Variants in COL5A3 observed in about 807,000 individuals in gnomAD.
COL5A3 encodes collagen alpha-3(V) chain.
COL5A3 carries 172 observed loss-of-function variants against 250.0 expected under a neutral mutation model. The ratio of observed to expected loss-of-function variants is 0.69; its 90% CI spans 0.61 to 0.78. The LOEUF (loss-of-function observed/expected upper bound fraction) is 0.78. Ranked by LOEUF, COL5A3 falls within the 30% of genes least tolerant of loss-of-function variation. The probability of loss-of-function intolerance (pLI) is 0.00; values close to 1 mark genes in which losing one functional copy is unlikely to be tolerated. For missense variants in COL5A3, 2,340 were observed against 2,334.4 expected, an observed-to-expected ratio of 1.00 and a Z score of -0.05; for synonymous variants, 937 against 900.4, an observed-to-expected ratio of 1.04 and a Z score of -0.73.
chr19:9,981,229 G>A, intron 32 of COL5A3, 97 bp from the exon 33 acceptor site: 1 of 1,058,070 alleles, frequency 9.5e-7, no homozygotes, highest in Non-Finnish European at 1.5e-6. Context: ...CCAGAAAGCT[G>A]TCTGCCACAT....
At chr19:9,970,871 G>A in intron 53 of COL5A3, 104 bp downstream of exon 53, 1 of 1,171,470 alleles carries the variant, frequency 8.5e-7, no homozygotes, top group Non-Finnish European at 1.2e-6. Context: ...CATCTGCAGG[G>A]GCCTTGGGTA....
chr19:9,977,439 C>T lies in COL5A3; in HGVS notation c.3160G>A (p.Asp1054Asn). The T allele has an allele frequency of 2.6e-6, 4 of 1,523,154 alleles. No homozygotes were observed. The highest frequency in any genetic ancestry group is 3.5e-6 in the Non-Finnish European group (4 of 1,137,450). The allele number at this position is 1,523,154 out of a possible 1,614,324, so 94.4% of individuals were successfully genotyped here. Residue 1054 changes from aspartate to asparagine, a missense_variant, in exon 43 of 67, where the codon GAT (aspartate) becomes AAT (asparagine). By Grantham distance (23) the Asp-to-Asn change is conservative. This residue lies in a region of COL5A3 where 1,179 missense variants were observed against 1,162.6 expected (regional missense o/e 1.01). Coordinates refer to ENST00000264828, the MANE Select transcript of COL5A3 (RefSeq NM_015719.4). ...ERGPPGPTGKDGIPGPLGPLG... is the reference protein window; with the variant it reads ...ERGPPGPTGKNGIPGPLGPLG... ...GGCCCCAGGGGCCCTGGGATCCCAT[C>T]TTTGCCAGTGGGGCCAGGGGGGCCA... is the stretch of plus-strand genomic sequence containing the variant.
In COL5A3 at chr19:9,997,453, A is replaced by G. The variant is rs1296105034; in HGVS notation, c.1201-20T>C. On this transcript the variant is annotated intron_variant, in intron 10 of 66. Coordinates refer to ENST00000264828, the MANE Select transcript of COL5A3 (RefSeq NM_015719.4). ...CACCCCCTGTTGGGGACAGAGAAAC[A>G]GGAGTCACAGGAAGTGCAAAGTTTG... 1 of 1,562,674 alleles carries G rather than the reference A, an allele frequency of 6.4e-7. No homozygotes were observed. Among genetic ancestry groups the G allele is most frequent in the Non-Finnish European group, 8.7e-7 (1 of 1,146,354 alleles).
chr19:9,993,573 A>G, intron 18 of COL5A3, 46 bp downstream of exon 18: 7 of 1,605,646 alleles, frequency 4.4e-6, no homozygotes, highest in Non-Finnish European at 6.0e-6. Flanking sequence ...GGGCTTGAAT[A>G]TTGGGAGGAG....
intron 45 of COL5A3, among the ~76,000 whole-genome samples, chr19:9,974,916 GAGA>G (rs1236810501): frequency 6.6e-6 from 1 of 152,116 alleles, no homozygotes; most frequent in Non-Finnish European, 1.5e-5. Context: ...GTTTTGTTTT[GAGA>G]AGGAGTCTCA....
At chr19:9,985,808 T>A (rs776961889) in intron 31 of COL5A3, 34 bp downstream of exon 31, 7 of 1,592,504 alleles carry the variant, frequency 4.4e-6, no homozygotes, top group Non-Finnish European at 6.0e-6. Context: ...ATCCTGCCCA[T>A]ATCCATCTCC....
In COL5A3 at chr19:9,960,481, G is replaced by A. The variant is rs766786452; in HGVS notation, c.5168C>T (p.Ala1723Val). 2.2e-5 allele frequency: 36 copies of A among 1,613,998 alleles called. No homozygotes were observed. The highest frequency in any genetic ancestry group is 3.3e-4 in the Middle Eastern group (2 of 6,082). ...GTTCGTCTGGCCAAAGTCAGTGGCC[G>A]CCACATCCCACAGGGGCAGAAATCC... ...RAGFLPLWDV[A>V]ATDFGQTNQK... Residue 1723 changes from alanine to valine, a missense_variant, in exon 67 of 67, where the codon GCG becomes GTG. Physicochemically the swap from Ala to Val is moderately conservative, Grantham distance 64 (BLOSUM62 0). Around this residue, in one of 3 missense-constraint regions of COL5A3, gnomAD observed 1,179 missense variants for 1,162.6 expected, o/e 1.01. Coordinates refer to ENST00000264828, the MANE Select transcript of COL5A3 (RefSeq NM_015719.4).
intron 64 of COL5A3, among the ~76,000 whole-genome samples, chr19:9,965,458 C>CT (rs781503204): frequency 0.051 from 7,045 of 139,472 alleles, 373 homozygotes; most frequent in African/African-American, 0.13. Flanking sequence ...GCCCGGCCTT[C>CT]TTTTTTTTTT....
chr19:9,978,575 T>C lies in COL5A3; in HGVS notation c.3017A>G (p.Asn1006Ser). Reference sequence around the variant, plus strand: ...CCCAGCACATGGGGTTATACTTACATTGGCCCCCACGGGCCCTGGGGGGCC... The same window carrying C: ...CCCAGCACATGGGGTTATACTTACACTGGCCCCCACGGGCCCTGGGGGGCC... The part of the protein sequence containing the change: ...DKGPPGPVGA[N>S]GSPGERGPLG... The change falls in exon 41 of 67, where the codon AAT (asparagine) becomes AGT (serine). Residue 1006 changes from asparagine (N) to serine (S), a missense_variant and splice_region_variant. By Grantham distance (46) the Asn-to-Ser change is conservative (BLOSUM62 1). Around this residue, in one of 3 missense-constraint regions of COL5A3, gnomAD observed 1,179 missense variants for 1,162.6 expected, o/e 1.01. Coordinates refer to ENST00000264828, the MANE Select transcript of COL5A3 (RefSeq NM_015719.4). The C allele has an allele frequency of 1.3e-6, 2 of 1,578,910 alleles. No individual in the cohort carries two copies. The highest frequency in any genetic ancestry group is 1.7e-6 in the Non-Finnish European group (2 of 1,157,750).
In COL5A3 at chr19:9,971,008, C is replaced by A. The variant is rs1246684723; in HGVS notation, c.3849G>T (p.Gly1283=). The A allele has an allele frequency of 6.4e-7, 1 of 1,553,680 alleles. No individual in the cohort carries two copies. Among genetic ancestry groups the A allele is most frequent in the East Asian group, 2.4e-5 (1 of 42,194 alleles). The change falls in exon 53 of 67, where the codon GGG becomes GGT. Residue 1283 remains glycine (G), a synonymous_variant. Transcript: ENST00000264828. ...CAACATCACCAGGGTCTCCCTTCTC[C>A]CCTGGGGAACCATCTATGCCCTGCA... is the stretch of plus-strand genomic sequence containing the variant. ...PGVSGIDGSP[G]EKGDPGDVGG... is the part of the protein sequence containing the mutation.
intron 56 of COL5A3, 60 bp from the exon 57 acceptor site, chr19:9,969,462 C>G (rs369978422): frequency 4.0e-5 from 63 of 1,594,188 alleles, no homozygotes; most frequent in African/African-American, 3.9e-4. Flanking sequence ...TGTGGACCCC[C>G]CCCCGACCAT....
intron 18 of COL5A3, 54 bp downstream of exon 18, chr19:9,993,565 G>C: frequency 6.3e-7 from 1 of 1,595,568 alleles, no homozygotes; most frequent in Middle Eastern, 1.7e-4. Flanking sequence ...AGTTGGGGGG[G>C]CTTGAATATT....
chr19:9,996,744 G>C, intron 11 of COL5A3, 55 bp from the exon 12 acceptor site: 1 of 1,398,548 alleles, frequency 7.2e-7, no homozygotes, highest in Non-Finnish European at 9.8e-7. Flanking sequence ...GAGAGAGAGA[G>C]CGAGGACAGG....
At chr19:9,992,726 G>T in intron 21 of COL5A3, 101 bp downstream of exon 21, 1 of 1,191,088 alleles carries the variant, frequency 8.4e-7, no homozygotes, top group Non-Finnish European at 1.2e-6. Flanking sequence ...GCAGAGAGCT[G>T]AGATCTCGCC....
At position 10,006,222 on chromosome 19, in the gene COL5A3, T is replaced by TC; in HGVS notation, c.97dup (p.Asp33GlyfsTer30). The TC allele has an allele frequency of 6.3e-7, 1 of 1,598,284 alleles. No individual in the cohort carries two copies. Among genetic ancestry groups the TC allele is most frequent in the East Asian group, 2.2e-5 (1 of 44,482 alleles). Reference sequence around the variant, plus strand: ...CTGCACACCCAGGGCCTTCAGGACATCCACAGGATCTGCAGCAGAGAGAAG... The same window carrying TC: ...CTGCACACCCAGGGCCTTCAGGACATCCCACAGGATCTGCAGCAGAGAGAAG... On this transcript the variant is annotated frameshift_variant, in exon 2 of 67. Transcript: ENST00000264828. LOFTEE classifies it high-confidence loss of function.
chr19:9,983,631 A>AAG (rs139883377), intron 31 of COL5A3, among the ~76,000 whole-genome samples: 1 of 127,398 alleles, frequency 7.8e-6, no homozygotes, highest in Non-Finnish European at 1.7e-5. Flanking sequence ...AGAAAGAAAG[A>AAG]AGAGAGAGAG....
chr19:9,975,930 C>T (rs1239832094), intron 45 of COL5A3, among the ~76,000 whole-genome samples: 1 of 147,160 alleles, frequency 6.8e-6, no homozygotes, highest in Admixed American at 6.8e-5. Flanking sequence ...GTTGAGTTCC[C>T]ATTGGGTGTT....
chr19:9,978,280 C>T (rs1410791367), intron 41 of COL5A3, among the ~76,000 whole-genome samples: 1 of 151,916 alleles, frequency 6.6e-6, no homozygotes, highest in Non-Finnish European at 1.5e-5. Flanking sequence ...CAGTGAGCAA[C>T]AGAACTGACC....
chr19:9,978,584 AC>A lies in COL5A3; in HGVS notation c.3007del (p.Val1003TrpfsTer141). On this transcript the variant is annotated frameshift_variant, in exon 41 of 67. Coordinates refer to ENST00000264828, the MANE Select transcript of COL5A3 (RefSeq NM_015719.4). LOFTEE classifies it high-confidence loss of function. ...LKGDKGPPGP[V>X]GANGSPGERG... ...TGGGGTTATACTTACATTGGCCCCC[AC>A]GGGCCCTGGGGGGCCCTTATCACCC... 6.3e-7 allele frequency: 1 copy of A among 1,584,746 alleles called. No homozygotes were observed. The highest frequency in any genetic ancestry group is 8.6e-7 in the Non-Finnish European group (1 of 1,164,658).
Sources: gnomAD v4.1 joint callset for allele counts (sites outside exome capture counted in the v4.1 genomes callset) on GRCh38, gnomAD v4.1.1 for gene constraint, gnomAD v4.1.1 regional missense constraint, MANE v1.5 for transcripts, NCBI Gene and HGNC (gene_info 2026-07-23, HGNC 2026-07-21) for gene names.